The following MYRIP variants were observed in gnomAD, a reference collection of about 807,000 sequenced individuals.
MYRIP encodes the protein myosin VIIA and Rab interacting protein.
A neutral mutation model predicts 98.0 loss-of-function variants in MYRIP; 49 were observed. That is an observed-to-expected ratio of 0.50 (90% CI 0.40 to 0.63). The LOEUF is 0.63. Ranked by LOEUF, MYRIP falls within the 30% of genes least tolerant of loss-of-function variation. The pLI is 0.00. For synonymous variants in MYRIP, 404 were observed against 409.5 expected (o/e 0.99, Z 0.16); for missense variants, 1,004 against 1,058.2 (o/e 0.95, Z 0.71).
intron 2 of MYRIP, among the ~76,000 whole-genome samples, chr3:39,924,038 G>T (rs1343074759): frequency 6.6e-6 from 1 of 151,976 alleles, no homozygotes; most frequent in Non-Finnish European, 1.5e-5. Flanking sequence ...TCTAAAAAAT[G>T]TTCAAGTAAT....
intron 2 of MYRIP, among the ~76,000 whole-genome samples, chr3:40,043,409 G>C (rs1396805013): frequency 1.3e-5 from 2 of 152,030 alleles, no homozygotes; most frequent in Non-Finnish European, 2.9e-5. Flanking sequence ...ACTGAGCACA[G>C]AGAGAAGTGT....
intron 1 of MYRIP, among the ~76,000 whole-genome samples, chr3:39,881,859 A>G (rs1943163702): frequency 6.6e-6 from 1 of 151,810 alleles, no homozygotes; most frequent in Admixed American, 6.6e-5. Flanking sequence ...ACGTACTTCC[A>G]TCTTTTAAAA....
chr3:39,857,300 G>A lies in MYRIP; in HGVS notation c.-30-43487G>A, dbSNP rs1013136452. ...AAGGAAAAATGAGTATCTATGAACC[G>A]ATTGACAAAGAATTAAAAATAATCT... is the stretch of plus-strand genomic sequence containing the variant. On this transcript the variant is annotated intron_variant, in intron 1 of 16. Transcript: ENST00000302541. Among the ~76,000 whole-genome samples, 17 of 122,262 alleles carry A rather than the reference G, an allele frequency of 1.4e-4. No homozygotes were observed. The East Asian group carries it at 2.6e-3, about 18-fold the overall frequency. The allele number at this position is 122,262 out of a possible 152,430, so 80.2% of individuals were successfully genotyped here.
At chr3:40,184,667 A>G (rs1211667715) in intron 9 of MYRIP, among the ~76,000 whole-genome samples, 3 of 152,250 alleles carry the variant, frequency 2.0e-5, no homozygotes. Context: ...TATAAAAACA[A>G]CTACAAGATG....
rs150084492 is a variant in MYRIP at position 40,066,620 on chromosome 3, C to A, written c.332+22349C>A. Among the ~76,000 whole-genome samples, 711 of 152,178 alleles carry A rather than the reference C, an allele frequency of 4.7e-3. 9 individuals carry two copies. Among genetic ancestry groups the A allele is most frequent in the Middle Eastern group, 0.01 (3 of 294 alleles). ...TATGTCAGATTACTGACTCATATAT[C>A]CTGGTTGAATTTTTTTTTATTAATG... is the stretch of plus-strand genomic sequence containing the variant. On this transcript the variant is annotated intron_variant, in intron 3 of 16. Transcript: ENST00000302541.
At chr3:39,966,469 A>G (rs75955989) in intron 2 of MYRIP, among the ~76,000 whole-genome samples, 2,184 of 152,330 alleles carry the variant, frequency 0.014, 43 homozygotes, top group African/African-American at 0.045. Flanking sequence ...GTCTTAGTGA[A>G]TAGCATAGAT....
At chr3:40,203,779 T>G (rs747697826) in intron 10 of MYRIP, among the ~76,000 whole-genome samples, 2 of 16 alleles carry the variant, frequency 0.12, no homozygotes, top group African/African-American at 0.33. Context: ...TTTTATATAT[T>G]TATTTATTTA....
intron 2 of MYRIP, among the ~76,000 whole-genome samples, chr3:39,934,779 G>A (rs938000043): frequency 3.3e-5 from 5 of 152,152 alleles, no homozygotes; most frequent in Non-Finnish European, 7.4e-5. Context: ...AGGAATTGAG[G>A]GTGACAGGAA....
Position 39,889,456 on chromosome 3 carries a change from A to T in MYRIP, c.-30-11331A>T, listed in dbSNP as rs1329407237. Among the ~76,000 whole-genome samples, 3 of 152,232 alleles carry T rather than the reference A, an allele frequency of 2.0e-5. No individual in the cohort carries two copies. The South Asian group carries it at 6.2e-4, about 32-fold the overall frequency. The stretch of plus-strand genomic sequence containing the variant: ...AAAAAACCAAAGACCACATATTCTC[A>T]CTCATAGGTGGAAACTGAACAATGA... On this transcript the variant is annotated intron_variant, in intron 1 of 16. Transcript: ENST00000302541.
chr3:39,865,965 A>T (rs1942607646), intron 1 of MYRIP, among the ~76,000 whole-genome samples: 2 of 152,168 alleles, frequency 1.3e-5, no homozygotes. Context: ...AAATGTGGTA[A>T]ATATACACCA....
chr3:39,883,125 C>A (rs1943196387), intron 1 of MYRIP, among the ~76,000 whole-genome samples: 1 of 152,160 alleles, frequency 6.6e-6, no homozygotes, highest in African/African-American at 2.4e-5. Context: ...GGAAACAGCA[C>A]TTTTGACAGT....
At chr3:40,086,143 A>G (rs1342831122) in intron 3 of MYRIP, among the ~76,000 whole-genome samples, 1 of 152,226 alleles carries the variant, frequency 6.6e-6, no homozygotes, top group Non-Finnish European at 1.5e-5. Context: ...TAGAAGAAAC[A>G]GTAGCAGAAG....
intron 2 of MYRIP, among the ~76,000 whole-genome samples, chr3:39,977,692 C>A (rs1945791306): frequency 6.6e-6 from 1 of 152,130 alleles, no homozygotes; most frequent in Non-Finnish European, 1.5e-5. Flanking sequence ...TATAGAGAGT[C>A]AAATCCATAA....
In MYRIP at chr3:40,190,272, G is replaced by C; in HGVS notation, c.1474G>C (p.Gly492Arg). 6.2e-7 allele frequency: 1 copy of C among 1,614,062 alleles called. No homozygotes were observed. Among genetic ancestry groups the C allele is most frequent in the Non-Finnish European group, 8.5e-7 (1 of 1,180,016 alleles). ...NPAAEKMRLHGELDVNFNPQL... is the reference protein window; with the variant it reads ...NPAAEKMRLHRELDVNFNPQL... ...TGCAGCTGAGAAGATGCGCTTGCAT[G>C]GAGAGCTGGACGTGAACTTCAACCC... The change falls in exon 10 of 17, where the codon GGA becomes CGA. Residue 492 changes from glycine to arginine, a missense_variant. Gly to Arg is a moderately radical substitution (Grantham distance 125). Coordinates refer to ENST00000302541, the MANE Select transcript of MYRIP (RefSeq NM_015460.4).
chr3:40,037,694 TG>T (rs150790780), intron 2 of MYRIP, among the ~76,000 whole-genome samples: 2,981 of 152,180 alleles, frequency 0.02, 43 homozygotes, highest in African/African-American at 0.032. Context: ...TACCCTGAGA[TG>T]GATGCAGAGC....
At chr3:39,829,232 G>T (rs1559488530) in intron 1 of MYRIP, among the ~76,000 whole-genome samples, 1 of 152,182 alleles carries the variant, frequency 6.6e-6, no homozygotes, top group African/African-American at 2.4e-5. Flanking sequence ...TCGTCAGTAT[G>T]ATTGAGATCT....
At chr3:40,094,082 T>C (rs899105814) in intron 3 of MYRIP, among the ~76,000 whole-genome samples, 2 of 152,152 alleles carry the variant, frequency 1.3e-5, no homozygotes, top group Non-Finnish European at 2.9e-5. Flanking sequence ...TTTATTCTGC[T>C]GTTCAGACCT....
chr3:40,133,967 C>T lies in MYRIP; in HGVS notation c.333-17081C>T, dbSNP rs575626168. The stretch of plus-strand genomic sequence containing the variant: ...CTCCCAGCATGAGCGATGCAAAAGA[C>T]GGGTGATTTCTCCATTTCCAACTGA... On this transcript the variant is annotated intron_variant, in intron 3 of 16. Transcript: ENST00000302541. Among the ~76,000 whole-genome samples, 156 of 152,274 alleles carry T rather than the reference C, an allele frequency of 1.0e-3. 1 individual carries two copies. Among genetic ancestry groups the T allele is most frequent in the African/African-American group, 3.5e-3 (146 of 41,556 alleles).
chr3:39,901,853 TAA>T (rs1297903393), intron 2 of MYRIP, among the ~76,000 whole-genome samples: 1 of 152,040 alleles, frequency 6.6e-6, no homozygotes, highest in Non-Finnish European at 1.5e-5. Flanking sequence ...ATGGTGGAAA[TAA>T]AGATTACACT....
Sources: gnomAD v4.1 joint callset for allele counts (sites outside exome capture counted in the v4.1 genomes callset) on GRCh38, gnomAD v4.1.1 for gene constraint, MANE v1.5 for transcripts, NCBI Gene and HGNC (gene_info 2026-07-23, HGNC 2026-07-21) for gene names.